Variants in ACSL5 observed in about 807,000 individuals in gnomAD.
ACSL5 encodes the protein acyl-CoA synthetase long chain family member 5.
Under a neutral mutation model 84.9 loss-of-function variants are expected in ACSL5, and 50 were observed. That is an observed-to-expected ratio of 0.59 (90% confidence interval 0.47 to 0.75). The LOEUF is 0.75. ACSL5 is among the 30% of genes least tolerant of loss of function. The pLI, the probability that ACSL5 is intolerant of heterozygous loss-of-function variation, is 0.00. For missense variants in ACSL5, 775 were observed against 830.4 expected, an observed-to-expected ratio of 0.93 and a Z score of 0.82; for synonymous variants, 280 against 300.7, an observed-to-expected ratio of 0.93 and a Z score of 0.71.
At chr10:112,375,987 G>T (rs1197335696) in intron 1 of ACSL5, among the ~76,000 whole-genome samples, 2 of 152,150 alleles carry the variant, frequency 1.3e-5, no homozygotes, top group South Asian at 2.1e-4. Flanking sequence ...ATCTGAGGGG[G>T]CACCTCAAGT....
At chr10:112,379,703 C>A in intron 1 of ACSL5, among the ~76,000 whole-genome samples, 1 of 152,144 alleles carries the variant, frequency 6.6e-6, no homozygotes, top group Non-Finnish European at 1.5e-5. Context: ...AACTGATGCT[C>A]AGTGACTCTA....
chr10:112,391,703 G>T (rs1843645849), intron 1 of ACSL5, among the ~76,000 whole-genome samples: 1 of 152,270 alleles, frequency 6.6e-6, no homozygotes, highest in South Asian at 2.1e-4. Flanking sequence ...ACTATGAAAT[G>T]TGTTCTTGTT....
Position 112,411,459 on chromosome 10 carries a change from A to T in ACSL5, c.800A>T (p.Asp267Val), listed in dbSNP as rs1220051712. The change falls in exon 10 of 21, where the codon GAC (aspartate) becomes GTC (valine). Residue 267 changes from aspartate (D) to valine (V), a missense_variant. Transcript: ENST00000354655. ...CTCCACCTCTTATTTCCTACAGGTGACCCCAAAGGAGCCATGATAACCCAT... is the reference window on the plus strand; with the variant it reads ...CTCCACCTCTTATTTCCTACAGGTGTCCCCAAAGGAGCCATGATAACCCAT... Reference protein sequence around the residue: ...VICFTSGTTGDPKGAMITHQN... With the variant: ...VICFTSGTTGVPKGAMITHQN... 6.8e-6 allele frequency: 11 copies of T among 1,612,126 alleles called. No individual in the cohort carries two copies. Among genetic ancestry groups the T allele is most frequent in the Non-Finnish European group, 9.3e-6 (11 of 1,178,166 alleles).
intron 13 of ACSL5, among the ~76,000 whole-genome samples, chr10:112,417,412 A>C (rs1844341382): frequency 6.6e-6 from 1 of 151,808 alleles, no homozygotes; most frequent in Admixed American, 6.6e-5. Flanking sequence ...CTGAGGCAGG[A>C]TAATCGCTTG....
chr10:112,399,249 G>C (rs1244133480), intron 3 of ACSL5, among the ~76,000 whole-genome samples: 1 of 152,172 alleles, frequency 6.6e-6, no homozygotes, highest in African/African-American at 2.4e-5. Context: ...ACCTTGTGCA[G>C]ACCACTTTGC....
chr10:112,407,599 C>T (rs1844073292), intron 5 of ACSL5, among the ~76,000 whole-genome samples: 1 of 152,174 alleles, frequency 6.6e-6, no homozygotes. Flanking sequence ...GATTCAATTA[C>T]CTCCCACTGG....
chr10:112,384,115 G>A (rs1849404190), intron 1 of ACSL5, among the ~76,000 whole-genome samples: 1 of 150,942 alleles, frequency 6.6e-6, no homozygotes, highest in African/African-American at 2.4e-5. Context: ...GAACCCAGGA[G>A]GCAGAGGTTG....
At chr10:112,410,247 A>T (rs891247131) in intron 7 of ACSL5, 1 of 1,527,548 alleles carries the variant, frequency 6.5e-7, no homozygotes. Flanking sequence ...CATGCAATCT[A>T]CCCTCTATAG....
At chr10:112,376,526 A>T in intron 1 of ACSL5, 1 of 1,576,162 alleles carries the variant, frequency 6.3e-7, no homozygotes, top group East Asian at 2.3e-5. Context: ...GGGCATCCTG[A>T]CCCCCGACTT....
intron 1 of ACSL5, among the ~76,000 whole-genome samples, chr10:112,387,071 C>G (rs1323018324): frequency 6.6e-6 from 1 of 152,012 alleles, no homozygotes; most frequent in Non-Finnish European, 1.5e-5. Flanking sequence ...TGAATGTTGA[C>G]CCCTTGGATT....
At chr10:112,395,828 C>T (rs11195945) in intron 2 of ACSL5, 12,817 of 152,276 alleles carry the variant, frequency 0.084, 671 homozygotes, top group Non-Finnish European at 0.11. Flanking sequence ...CTAATTTCTT[C>T]TGTTGTTTTT....
chr10:112,426,397 G>A (rs1238185923), intron 19 of ACSL5, 38 bp downstream of exon 19: 2 of 1,564,788 alleles, frequency 1.3e-6, no homozygotes, highest in South Asian at 1.1e-5. Context: ...CACACCCATG[G>A]GCCCATCGTG....
chr10:112,390,664 A>ATAGT (rs1849541454), intron 1 of ACSL5, among the ~76,000 whole-genome samples: 1 of 98,414 alleles, frequency 1.0e-5, no homozygotes, highest in Non-Finnish European at 2.2e-5. Context: ...AAATAGATAG[A>ATAGT]TAGATAGATA....
chr10:112,411,380 T>C, intron 9 of ACSL5, 76 bp from the exon 10 acceptor site: 1 of 1,225,928 alleles, frequency 8.2e-7, no homozygotes, highest in Non-Finnish European at 1.2e-6. Flanking sequence ...ACCAATTGAA[T>C]CTAGTTTCTT....
intron 13 of ACSL5, among the ~76,000 whole-genome samples, chr10:112,417,502 C>CA (rs200150019): frequency 0.014 from 1,628 of 118,192 alleles, 12 homozygotes; most frequent in African/African-American, 0.024. Flanking sequence ...GACTCTATCT[C>CA]AAAAAAAAAA....
In ACSL5 at chr10:112,428,279, C is replaced by A. The variant is rs937625532; in HGVS notation, c.*921C>A. The A allele has an allele frequency of 1.3e-5, 5 of 390,448 alleles. No homozygotes were observed. The highest frequency in any genetic ancestry group is 2.3e-5 in the Non-Finnish European group (5 of 221,306). 24.2% of individuals were successfully genotyped at this position (390,448 alleles called of 1,614,324 possible). A position where few individuals can be genotyped will look rare whatever the true frequency, so the allele number is the denominator to read the frequency against. On this transcript the variant is annotated 3_prime_UTR_variant, in exon 21 of 21. Transcript: ENST00000354655. ...TGTGAAGGAACCAACTGATCTCCCCCACCCTTGGATTAGAGTTCCTGCTCT... is the reference window on the plus strand; with the variant it reads ...TGTGAAGGAACCAACTGATCTCCCCAACCCTTGGATTAGAGTTCCTGCTCT...
chr10:112,412,381 G>A (rs1844197976), intron 11 of ACSL5: 1 of 186,910 alleles, frequency 5.4e-6, no homozygotes, highest in South Asian at 1.3e-4. Flanking sequence ...GATCAGGGAA[G>A]GAGCATTTGA....
rs149428252 is a variant in ACSL5 at position 112,381,859 on chromosome 10, C to G, written c.-30+7590C>G. 3.2e-3 allele frequency among the ~76,000 whole-genome samples: 488 copies of G among 152,054 alleles called. 3 individuals carry two copies. Among genetic ancestry groups the G allele is most frequent in the African/African-American group, 0.011 (449 of 41,520 alleles). On this transcript the variant is annotated intron_variant, in intron 1 of 20. Transcript: ENST00000354655. ...GCACGTGCCTGTAGTCCCAGCTACTCAGGAGGCTGAGACAAAAGAATCGCT... is the reference window on the plus strand; with the variant it reads ...GCACGTGCCTGTAGTCCCAGCTACTGAGGAGGCTGAGACAAAAGAATCGCT...
intron 1 of ACSL5, among the ~76,000 whole-genome samples, chr10:112,375,777 C>T (rs1239508114): frequency 1.3e-5 from 2 of 152,174 alleles, no homozygotes; most frequent in Non-Finnish European, 2.9e-5. Context: ...GACTCACAGC[C>T]CTGTCGTTCC....
Sources: allele counts gnomAD v4.1 joint callset (sites outside exome capture counted in the v4.1 genomes callset), GRCh38; gene constraint gnomAD v4.1.1; transcripts MANE v1.5; gene names NCBI Gene and HGNC (gene_info 2026-07-23, HGNC 2026-07-21).